Variants in CSF2RB observed in about 807,000 individuals in gnomAD.
CSF2RB encodes colony stimulating factor 2 receptor subunit beta, also known as cytokine receptor common subunit beta.
In CSF2RB, 22 loss-of-function variants were observed where a neutral mutation model predicts 67.2. The ratio of observed to expected loss-of-function variants is 0.33; its 90% CI spans 0.23 to 0.47. The LOEUF (loss-of-function observed/expected upper bound fraction) is 0.47. Among genes scored for constraint, CSF2RB ranks in the 20% least tolerant of loss-of-function variants. CSF2RB has a pLI of 1.00. For missense variants in CSF2RB, 1,113 were observed against 1,174.5 expected (o/e 0.95, Z 0.76); for synonymous variants, 507 against 482.9 (o/e 1.05, Z -0.65).
Position 36,932,690 on chromosome 22 carries a change from T to C in CSF2RB, c.1013-75T>C, listed in dbSNP as rs139703671. 4,440 of 1,556,710 alleles carry C rather than the reference T, an allele frequency of 2.9e-3. 7 individuals are homozygous for C. Among genetic ancestry groups the C allele is most frequent in the Middle Eastern group, 8.1e-3 (38 of 4,694 alleles). On this transcript the variant is annotated intron_variant, in intron 8 of 13. Transcript: ENST00000403662. ...GGTGCCAGTGGAGACAGCCCCAGTG[T>C]CTAGCATGAGACACGGGGAATGTTC...
chr22:36,931,768 G>A (rs1354810254), intron 8 of CSF2RB, among the ~76,000 whole-genome samples: 2 of 152,186 alleles, frequency 1.3e-5, no homozygotes, highest in Non-Finnish European at 2.9e-5. Flanking sequence ...GGTGGGAGGT[G>A]CTGTCTGCAA....
rs369144251 is a variant in CSF2RB at position 36,936,619 on chromosome 22, G to A, written c.1535G>A (p.Gly512Glu). 29 of 1,613,540 alleles carry A rather than the reference G, an allele frequency of 1.8e-5. No individual in the cohort carries two copies. In the African/African-American group the frequency reaches 3.6e-4, roughly 20 times the overall value. ...AFTSGSPPHQ[G>E]PWGSRFPELE... ...ACTAGCGGGAGTCCCCCACACCAGG[G>A]GCCGTGGGGCAGCCGCTTCCCTGAG... Residue 512 changes from glycine (G) to glutamate (E), a missense_variant, in exon 13 of 14, where the codon GGG becomes GAG. This residue lies in a region of CSF2RB where 554 missense variants were observed against 517.9 expected (regional missense o/e 1.07). Transcript: ENST00000403662.
In CSF2RB at chr22:36,930,748, G is replaced by T; in HGVS notation, c.930G>T (p.Val310=). ...CCAGGCACCACTGCCAGATTCCCGT[G>T]CCCGACCCCGCGACCCACGGCCAAT... ...LHTRHHCQIP[V]PDPATHGQYI... is the part of the protein sequence containing the mutation. Residue 310 remains valine, a synonymous_variant, in exon 8 of 14, where the codon GTG becomes GTT. Coordinates refer to ENST00000403662, the MANE Select transcript of CSF2RB (RefSeq NM_000395.3). The T allele has an allele frequency of 6.2e-7, 1 of 1,613,844 alleles. No homozygotes were observed. The highest frequency in any genetic ancestry group is 1.1e-5 in the South Asian group (1 of 91,068).
rs552070795 is a variant in CSF2RB, at chr22:36,928,996, A to G, written c.392-406A>G. On this transcript the variant is annotated intron_variant, in intron 4 of 13. Coordinates refer to ENST00000403662, the MANE Select transcript of CSF2RB (RefSeq NM_000395.3). ...GGCATTTGCCCGGGGCACTGACAAC[A>G]GGAAGGACCCTGGGCAGGAGGAAGG... Among the ~76,000 whole-genome samples, 4 of 152,286 alleles carry G rather than the reference A, an allele frequency of 2.6e-5. No individual in the cohort carries two copies. The South Asian group carries it at 8.3e-4, about 32-fold the overall frequency.
rs61737702 is a variant in CSF2RB at position 36,929,642 on chromosome 22, G to T, written c.553G>T (p.Ala185Ser). The change falls in exon 6 of 14, where the codon GCA becomes TCA. Residue 185 changes from alanine (A) to serine (S), a missense_variant. Around this residue, in one of 2 missense-constraint regions of CSF2RB, gnomAD observed 559 missense variants for 656.5 expected, o/e 0.85. Coordinates refer to ENST00000403662, the MANE Select transcript of CSF2RB (RefSeq NM_000395.3). ...YKRLQDSWED[A>S]AILLSNTSQA... is the part of the protein sequence containing the mutation. ...AGCACCCACTGTCTCCTGACAGGAC[G>T]CAGCCATCCTCCTCTCCAACACCTC... 2 of 1,614,212 alleles carry T rather than the reference G, an allele frequency of 1.2e-6. No individual in the cohort carries two copies. The highest frequency in any genetic ancestry group is 1.7e-5 in the Admixed American group (1 of 60,030).
intron 1 of CSF2RB, among the ~76,000 whole-genome samples, chr22:36,920,037 A>G (rs1940818623): frequency 6.6e-6 from 1 of 152,196 alleles, no homozygotes; most frequent in Admixed American, 6.5e-5. Context: ...CAACCGTGTG[A>G]CTGTCGACCA....
Position 36,939,106 on chromosome 22 carries a change from C to G in CSF2RB, c.*604C>G. On this transcript the variant is annotated 3_prime_UTR_variant, in exon 14 of 14. Coordinates refer to ENST00000403662, the MANE Select transcript of CSF2RB (RefSeq NM_000395.3). ...TTCAGACTAGCCTCGATTGTCACTC[C>G]GAGAAATGGGCATGGTATTGGGGGT... is the stretch of plus-strand genomic sequence containing the variant. The G allele has an allele frequency of 2.9e-6, 2 of 701,602 alleles. No individual in the cohort carries two copies. Among genetic ancestry groups the G allele is most frequent in the South Asian group, 3.0e-5 (2 of 67,504 alleles). The allele number at this position is 701,602 out of a possible 1,614,324, so 43.5% of individuals were successfully genotyped here. A position where few individuals can be genotyped will look rare whatever the true frequency, so the allele number is the denominator to read the frequency against.
Position 36,922,116 on chromosome 22 carries a change from A to G in CSF2RB, c.-92A>G. 1 of 1,224,798 alleles carries G rather than the reference A, an allele frequency of 8.2e-7. No homozygotes were observed. The highest frequency in any genetic ancestry group is 1.3e-5 in the South Asian group (1 of 77,546). 75.9% of individuals were successfully genotyped at this position (1,224,798 alleles called of 1,614,324 possible). A position where few individuals can be genotyped will look rare whatever the true frequency, so the allele number is the denominator to read the frequency against. On this transcript the variant is annotated 5_prime_UTR_variant, in exon 2 of 14. Transcript: ENST00000403662. The stretch of plus-strand genomic sequence containing the variant: ...CTGGCCTGGCTCCCAGCTGGGCAGG[A>G]ACACAGGACTTCAGGACACTAAGGA...
At chr22:36,924,457 C>A (rs952403034) in intron 3 of CSF2RB, among the ~76,000 whole-genome samples, 7 of 152,184 alleles carry the variant, frequency 4.6e-5, no homozygotes, top group Non-Finnish European at 1.0e-4. Flanking sequence ...CCTGCCCCAA[C>A]CCCCTCTCAG....
chr22:36,919,093 G>A (rs189461215), intron 1 of CSF2RB, among the ~76,000 whole-genome samples: 154 of 152,334 alleles, frequency 1.0e-3, no homozygotes, highest in African/African-American at 3.5e-3. Flanking sequence ...AGTGGCAACG[G>A]AGTATAGGAA....
intron 1 of CSF2RB, among the ~76,000 whole-genome samples, chr22:36,914,163 C>T (rs1392971605): frequency 1.3e-5 from 2 of 151,932 alleles, no homozygotes; most frequent in East Asian, 3.9e-4. Context: ...AACGCATGCT[C>T]GTGTGTTTGC....
At chr22:36,932,965 C>T in intron 9 of CSF2RB, 61 bp downstream of exon 9, 6 of 1,602,996 alleles carry the variant, frequency 3.7e-6, no homozygotes, top group Non-Finnish European at 5.1e-6. Flanking sequence ...GGGAAAGCAA[C>T]CAGAGGCATT....
At chr22:36,926,279 G>A in intron 4 of CSF2RB, 102 bp downstream of exon 4, 1 of 1,223,354 alleles carries the variant, frequency 8.2e-7, no homozygotes, top group Non-Finnish European at 1.2e-6. Context: ...CTGTGGCTTG[G>A]GGTTGGGTGA....
In CSF2RB at chr22:36,933,936, C is replaced by A. The variant is rs768846661; in HGVS notation, c.1257C>A (p.Thr419=). Residue 419 remains threonine (T), a synonymous_variant, in exon 10 of 14, where the codon ACC becomes ACA. Coordinates refer to ENST00000403662, the MANE Select transcript of CSF2RB (RefSeq NM_000395.3). Reference sequence around the variant, plus strand: ...GGGTGAGGGTCAGGACCTCCCGCACCGGCTACAACGGGATCTGGAGCGAGT... The same window carrying A: ...GGGTGAGGGTCAGGACCTCCCGCACAGGCTACAACGGGATCTGGAGCGAGT... ...WARVRVRTSR[T]GYNGIWSEWS... The A allele has an allele frequency of 1.2e-6, 2 of 1,612,528 alleles. No individual in the cohort carries two copies. The highest frequency in any genetic ancestry group is 1.7e-6 in the Non-Finnish European group (2 of 1,179,980).
chr22:36,930,842 C>T lies in CSF2RB; in HGVS notation c.1012+12C>T, dbSNP rs1170446995. The T allele has an allele frequency of 8.1e-6, 13 of 1,613,964 alleles. No individual in the cohort carries two copies. Among genetic ancestry groups the T allele is most frequent in the Admixed American group, 1.7e-5 (1 of 60,002 alleles). ...GAGCTCAGTGAACAGTGAGTTTGCTCCTAGCCCGCTGTGGGGATGGTCTGG... is the reference window on the plus strand; with the variant it reads ...GAGCTCAGTGAACAGTGAGTTTGCTTCTAGCCCGCTGTGGGGATGGTCTGG... On this transcript the variant is annotated intron_variant, in intron 8 of 13. Coordinates refer to ENST00000403662, the MANE Select transcript of CSF2RB (RefSeq NM_000395.3).
chr22:36,939,682 T>C lies in CSF2RB; in HGVS notation c.*1180T>C, dbSNP rs1941347655. ...TTAAGGTCTTTCTTCTGTTGGGTGC[T>C]ATCATTTTCTGATTAAGTCTTTTTG... is the stretch of plus-strand genomic sequence containing the variant. On this transcript the variant is annotated 3_prime_UTR_variant, in exon 14 of 14. Transcript: ENST00000403662. The C allele has an allele frequency of 5.8e-6, 1 of 173,042 alleles. No homozygotes were observed. The highest frequency in any genetic ancestry group is 5.5e-5 in the Admixed American group (1 of 18,134). The allele number at this position is 173,042 out of a possible 1,614,324, so 10.7% of individuals were successfully genotyped here. A position where few individuals can be genotyped will look rare whatever the true frequency, so the allele number is the denominator to read the frequency against.
chr22:36,915,525 C>T (rs1304344334), intron 1 of CSF2RB, among the ~76,000 whole-genome samples: 1 of 151,686 alleles, frequency 6.6e-6, no homozygotes, highest in Non-Finnish European at 1.5e-5. Context: ...CGTTAAGTAA[C>T]CCTAAGAAAT....
chr22:36,920,811 T>C (rs1430938604), intron 1 of CSF2RB, among the ~76,000 whole-genome samples: 1 of 152,216 alleles, frequency 6.6e-6, no homozygotes, highest in Non-Finnish European at 1.5e-5. Flanking sequence ...ATAATTAACT[T>C]GTTATTTGGG....
At position 36,926,443 on chromosome 22, in the gene CSF2RB, T is replaced by C. The variant is rs377659696; in HGVS notation, c.391+266T>C. On this transcript the variant is annotated intron_variant, in intron 4 of 13. Coordinates refer to ENST00000403662, the MANE Select transcript of CSF2RB (RefSeq NM_000395.3). ...GCAGGCTTGTCTTGAAGAAAACCGT[T>C]CTCACCACTCACTTAGAAACCTACC... 5.3e-5 allele frequency among the ~76,000 whole-genome samples: 8 copies of C among 152,236 alleles called. No individual in the cohort carries two copies. The East Asian group carries it at 1.5e-3, about 29-fold the overall frequency.
Sources: gnomAD v4.1 joint callset for allele counts (sites outside exome capture counted in the v4.1 genomes callset) on GRCh38, gnomAD v4.1.1 for gene constraint, gnomAD v4.1.1 regional missense constraint, MANE v1.5 for transcripts, NCBI Gene and HGNC (gene_info 2026-07-23, HGNC 2026-07-21) for gene names.